PHACTR3: variants seen among roughly 807,000 people sequenced by gnomAD.
The protein encoded by PHACTR3 is protein phosphatase 1, regulatory subunit 123.
A neutral mutation model predicts 66.8 loss-of-function variants in PHACTR3; 16 were observed. The ratio of observed to expected loss-of-function variants is 0.24; its 90% CI spans 0.16 to 0.36. PHACTR3 has a LOEUF of 0.36. PHACTR3 is among the 10% of genes least tolerant of loss of function. PHACTR3 has a pLI of 1.00. For synonymous variants in PHACTR3, 323 were observed against 292.1 expected, an observed-to-expected ratio of 1.11 and a Z score of -1.08; for missense variants, 647 against 719.9, an observed-to-expected ratio of 0.90 and a Z score of 1.16.
chr20:59,754,365 G>A (rs986789852), intron 3 of PHACTR3, among the ~76,000 whole-genome samples: 1 of 152,170 alleles, frequency 6.6e-6, no homozygotes, highest in Non-Finnish European at 1.5e-5. Context: ...TCAGACCTAG[G>A]GACCCCCGGC....
chr20:59,824,452 C>CT (rs753603780), intron 8 of PHACTR3, among the ~76,000 whole-genome samples: 15 of 152,182 alleles, frequency 9.9e-5, no homozygotes, highest in Admixed American at 2.0e-4. Flanking sequence ...CGTTTATTCC[C>CT]TTTTATCTTC....
intron 1 of PHACTR3, among the ~76,000 whole-genome samples, chr20:59,629,511 T>A (rs1473100084): frequency 6.6e-6 from 1 of 152,156 alleles, no homozygotes; most frequent in Non-Finnish European, 1.5e-5. Context: ...CAGGGCGGGT[T>A]CCTTCTGAGG....
intron 1 of PHACTR3, among the ~76,000 whole-genome samples, chr20:59,625,601 C>T (rs2034418493): frequency 6.6e-6 from 1 of 152,188 alleles, no homozygotes; most frequent in South Asian, 2.1e-4. Flanking sequence ...TTGGTTTCTT[C>T]TCTTGCTTAG....
In PHACTR3 at chr20:59,803,804, C is replaced by T. The variant is rs114236735; in HGVS notation, c.1175-2237C>T. Among the ~76,000 whole-genome samples, 903 of 152,152 alleles carry T rather than the reference C, an allele frequency of 5.9e-3. 14 individuals carry two copies. Among genetic ancestry groups the T allele is most frequent in the African/African-American group, 0.021 (853 of 41,512 alleles). ...TTCATGTACTTTTTATGTGTTTGTC[C>T]CAATCATTTTAGGAGACAGACTCCT... On this transcript the variant is annotated intron_variant, in intron 7 of 12. Transcript: ENST00000371015.
intron 1 of PHACTR3, among the ~76,000 whole-genome samples, chr20:59,638,633 G>A (rs1600980241): frequency 6.7e-6 from 1 of 150,232 alleles, no homozygotes; most frequent in East Asian, 2.0e-4. Context: ...ATTGGAGAAT[G>A]GGTGGATGGG....
chr20:59,716,206 T>G (rs796897081), intron 1 of PHACTR3, among the ~76,000 whole-genome samples: 3 of 128,576 alleles, frequency 2.3e-5, no homozygotes, highest in African/African-American at 8.9e-5. Context: ...CCTTCACCCT[T>G]TGTGTGTGTG....
chr20:59,841,040 G>A (rs572374322), intron 10 of PHACTR3, among the ~76,000 whole-genome samples: 5 of 152,246 alleles, frequency 3.3e-5, no homozygotes, highest in South Asian at 4.1e-4. Flanking sequence ...TTCCTAAGCT[G>A]GACATATAAT....
intron 1 of PHACTR3, among the ~76,000 whole-genome samples, chr20:59,687,670 T>G (rs2036952496): frequency 1.3e-5 from 2 of 152,144 alleles, no homozygotes; most frequent in African/African-American, 4.8e-5. Flanking sequence ...AACTGATAAT[T>G]TCATTAATGT....
rs2039428261 is a variant in PHACTR3 at position 59,747,782 on chromosome 20, G to A, written c.305G>A (p.Arg102Lys). Residue 102 changes from arginine (R) to lysine (K), a missense_variant, in exon 3 of 13, where the codon AGG (arginine) becomes AAG (lysine). Transcript: ENST00000371015. ...TSALEKKMAGRQGREELIKKG... is the reference protein window; with the variant it reads ...TSALEKKMAGKQGREELIKKG... ...GCGCTGGAGAAGAAGATGGCCGGCA[G>A]GCAAGGCCGAGAGGAGCTCATCAAG... 11 of 1,614,064 alleles carry A rather than the reference G, an allele frequency of 6.8e-6. No individual in the cohort carries two copies. Among genetic ancestry groups the A allele is most frequent in the African/African-American group, 1.3e-5 (1 of 75,050 alleles).
intron 1 of PHACTR3, among the ~76,000 whole-genome samples, chr20:59,658,328 CT>C (rs1038594968): frequency 9.3e-5 from 14 of 150,994 alleles, no homozygotes; most frequent in African/African-American, 2.7e-4. Flanking sequence ...CTTTTGAATG[CT>C]TTTTTTTAAA....
At chr20:59,740,684 A>G (rs555980576) in intron 1 of PHACTR3, among the ~76,000 whole-genome samples, 57 of 151,996 alleles carry the variant, frequency 3.8e-4, no homozygotes, top group Middle Eastern at 3.4e-3. Flanking sequence ...TTATCAACAG[A>G]TGTGGAAACC....
intron 7 of PHACTR3, among the ~76,000 whole-genome samples, chr20:59,778,850 C>A (rs374410682): frequency 6.6e-6 from 1 of 152,158 alleles, no homozygotes; most frequent in Non-Finnish European, 1.5e-5. Flanking sequence ...TTCTCGAAAC[C>A]CAGTGTCTGT....
At chr20:59,716,864 C>T (rs1386040737) in intron 1 of PHACTR3, among the ~76,000 whole-genome samples, 1 of 152,210 alleles carries the variant, frequency 6.6e-6, no homozygotes, top group East Asian at 1.9e-4. Context: ...TGCTCTCCTT[C>T]CTTTCTAAAG....
rs79735117 is a variant in PHACTR3, at chr20:59,759,953, G to T, written c.541+4589G>T. Among the ~76,000 whole-genome samples the T allele has an allele frequency of 5.6e-3, 860 of 152,272 alleles. 10 individuals are homozygous for T. Among genetic ancestry groups the T allele is most frequent in the African/African-American group, 0.02 (826 of 41,548 alleles). On this transcript the variant is annotated intron_variant, in intron 4 of 12. Coordinates refer to ENST00000371015, the MANE Select transcript of PHACTR3 (RefSeq NM_080672.5). The stretch of plus-strand genomic sequence containing the variant: ...GGGCCCAGAACATGGTGCCCCGTGG[G>T]TGATGGTCTACACCTGCAGGAGCCC...
chr20:59,659,740 G>A (rs757184388), intron 1 of PHACTR3, among the ~76,000 whole-genome samples: 2 of 152,232 alleles, frequency 1.3e-5, no homozygotes, highest in South Asian at 4.1e-4. Flanking sequence ...AGAGGGAAGG[G>A]TCAGGATTTT....
intron 1 of PHACTR3, among the ~76,000 whole-genome samples, chr20:59,718,581 C>G (rs561944132): frequency 4.6e-5 from 7 of 151,768 alleles, no homozygotes; most frequent in Non-Finnish European, 1.0e-4. Flanking sequence ...AAAAAACCTC[C>G]AAAATAATTT....
chr20:59,645,066 G>A (rs1192286190), intron 1 of PHACTR3, among the ~76,000 whole-genome samples: 1 of 151,926 alleles, frequency 6.6e-6, no homozygotes, highest in East Asian at 1.9e-4. Flanking sequence ...TGTTCTGTAT[G>A]TTTGTGTGTA....
intron 7 of PHACTR3, among the ~76,000 whole-genome samples, chr20:59,781,669 A>G (rs912633726): frequency 2.0e-5 from 3 of 152,252 alleles, no homozygotes; most frequent in African/African-American, 7.2e-5. Flanking sequence ...CATTAGGGGT[A>G]CCATGCTAAT....
chr20:59,668,054 ATAGAGGTGGG>A (rs1568690371), intron 1 of PHACTR3, among the ~76,000 whole-genome samples: 4 of 152,124 alleles, frequency 2.6e-5, no homozygotes, highest in East Asian at 1.9e-4. Flanking sequence ...CTGTACACAG[ATAGAGGTGGG>A]CACATACACC....
Sources: gnomAD v4.1 joint callset for allele counts (sites outside exome capture counted in the v4.1 genomes callset) on GRCh38, gnomAD v4.1.1 for gene constraint, MANE v1.5 for transcripts, NCBI Gene and HGNC (gene_info 2026-07-23, HGNC 2026-07-21) for gene names.